Variants in ST3GAL2 observed in about 807,000 individuals in gnomAD.
The protein encoded by ST3GAL2 is CMP-N-acetylneuraminate-beta-galactosamide-alpha-2,3-sialyltransferase 2.
ST3GAL2 carries 16 observed loss-of-function variants against 37.5 expected under a neutral mutation model. The observed-to-expected ratio is 0.43, with a 90% CI of 0.29 to 0.65. The LOEUF is 0.65. Ranked by LOEUF, ST3GAL2 falls within the 30% of genes least tolerant of loss-of-function variation. The pLI, the probability that ST3GAL2 is intolerant of heterozygous loss-of-function variation, is 0.17. For missense variants in ST3GAL2, 383 were observed against 487.8 expected (o/e 0.79, Z 2.02); for synonymous variants, 238 against 202.9 (o/e 1.17, Z -1.47).
At chr16:70,391,840 C>T (rs753202280) in intron 3 of ST3GAL2, among the ~76,000 whole-genome samples, 2 of 152,184 alleles carry the variant, frequency 1.3e-5, no homozygotes, top group Non-Finnish European at 2.9e-5. Flanking sequence ...AGCTCCTGGG[C>T]TCAATCAGTT....
intron 1 of ST3GAL2, among the ~76,000 whole-genome samples, chr16:70,413,787 T>G (rs1360103284): frequency 6.7e-6 from 1 of 149,478 alleles, no homozygotes; most frequent in African/African-American, 2.4e-5. Flanking sequence ...AATAAATAAA[T>G]AAAAGCTTTA....
intron 3 of ST3GAL2, among the ~76,000 whole-genome samples, chr16:70,393,049 C>G (rs185917471): frequency 6.6e-6 from 1 of 151,964 alleles, no homozygotes; most frequent in Admixed American, 6.6e-5. Flanking sequence ...ATACCACCCC[C>G]CTTCCTTACC....
At chr16:70,416,677 C>T (rs1029278081) in intron 1 of ST3GAL2, among the ~76,000 whole-genome samples, 2 of 151,950 alleles carry the variant, frequency 1.3e-5, no homozygotes, top group African/African-American at 2.4e-5. Flanking sequence ...TTATATTCTG[C>T]CCCCACTTTT....
At chr16:70,416,841 G>A (rs187058591) in intron 1 of ST3GAL2, among the ~76,000 whole-genome samples, 1 of 152,214 alleles carries the variant, frequency 6.6e-6, no homozygotes, top group Admixed American at 6.5e-5. Flanking sequence ...GACGACGGCA[G>A]GGACAGTGGG....
intron 1 of ST3GAL2, among the ~76,000 whole-genome samples, chr16:70,406,587 G>C (rs368570641): frequency 3.3e-5 from 5 of 152,076 alleles, no homozygotes; most frequent in East Asian, 3.9e-4. Flanking sequence ...TTTGAGACCA[G>C]CTTGGCCAAC....
chr16:70,421,628 A>ATGGTGC (rs1161482263), intron 1 of ST3GAL2, among the ~76,000 whole-genome samples: 6 of 152,146 alleles, frequency 3.9e-5, no homozygotes, highest in African/African-American at 1.4e-4. Context: ...CGCCCACATG[A>ATGGTGC]TGGTGCTATC....
At chr16:70,405,665 T>C (rs1010799511) in intron 1 of ST3GAL2, among the ~76,000 whole-genome samples, 3 of 152,042 alleles carry the variant, frequency 2.0e-5, no homozygotes, top group African/African-American at 4.8e-5. Flanking sequence ...AGATTACCAG[T>C]TGCCAGGGGC....
At position 70,382,768 on chromosome 16, in the gene ST3GAL2, C is replaced by G. The variant is rs1332602817; in HGVS notation, c.879+37G>C. Reference sequence around the variant, plus strand: ...CGAGAAGGCCTGCACTCCTCTGTTCCATGGGTTCCCACCACCCACACCACG... The same window carrying G: ...CGAGAAGGCCTGCACTCCTCTGTTCGATGGGTTCCCACCACCCACACCACG... On this transcript the variant is annotated intron_variant, in intron 6 of 6. Transcript: ENST00000342907. The G allele has an allele frequency of 1.9e-6, 3 of 1,613,302 alleles. No individual in the cohort carries two copies. The South Asian group carries it at 3.3e-5, about 18-fold the overall frequency.
At chr16:70,412,721 G>T (rs755171220) in intron 1 of ST3GAL2, among the ~76,000 whole-genome samples, 3 of 151,874 alleles carry the variant, frequency 2.0e-5, no homozygotes, top group East Asian at 3.9e-4. Context: ...CTGTTTTTTC[G>T]AATCTGAAAT....
intron 1 of ST3GAL2, among the ~76,000 whole-genome samples, chr16:70,416,076 T>C (rs2047675198): frequency 6.6e-6 from 1 of 151,782 alleles, no homozygotes; most frequent in Admixed American, 6.6e-5. Context: ...GAGCCCAGCT[T>C]CCAAGATTCT....
At position 70,381,633 on chromosome 16, in the gene ST3GAL2, G is replaced by C. The variant is rs868699057; in HGVS notation, c.*56C>G. The C allele has an allele frequency of 1.6e-5, 26 of 1,586,120 alleles. No individual in the cohort carries two copies. Among genetic ancestry groups the C allele is most frequent in the East Asian group, 2.3e-5 (1 of 44,374 alleles). On this transcript the variant is annotated 3_prime_UTR_variant, in exon 7 of 7. Coordinates refer to ENST00000342907, the MANE Select transcript of ST3GAL2 (RefSeq NM_006927.4). ...TCGCGGGTTGCTGGTCCTGGGTCCC[G>C]GGCCGGAGCCCCGGTGCCCGATAGA...
At chr16:70,390,215 C>T (rs1325298109) in intron 3 of ST3GAL2, among the ~76,000 whole-genome samples, 1 of 152,188 alleles carries the variant, frequency 6.6e-6, no homozygotes, top group Non-Finnish European at 1.5e-5. Flanking sequence ...GCTGGGACCA[C>T]AGGTCTGCAT....
At chr16:70,383,930 G>C (rs571529641) in intron 4 of ST3GAL2, among the ~76,000 whole-genome samples, 1 of 151,706 alleles carries the variant, frequency 6.6e-6, no homozygotes, top group African/African-American at 2.4e-5. Context: ...TGCTCCATTA[G>C]AGGTGGCAAT....
rs1199191799 is a variant in ST3GAL2 at position 70,378,444 on chromosome 16, C to T, written c.*3245G>A. On this transcript the variant is annotated 3_prime_UTR_variant, in exon 7 of 7. Transcript: ENST00000342907. ...AAAAAGCCAGGCGCGGTGGCTCACGCCTGTAATCCCAGCACTTTGGGAGGC... is the reference window on the plus strand; with the variant it reads ...AAAAAGCCAGGCGCGGTGGCTCACGTCTGTAATCCCAGCACTTTGGGAGGC... The T allele has an allele frequency of 6.7e-6, 1 of 149,058 alleles. No individual in the cohort carries two copies. Among genetic ancestry groups the T allele is most frequent in the Non-Finnish European group, 1.5e-5 (1 of 67,690 alleles). The allele number at this position is 149,058 out of a possible 1,614,324, so 9.2% of individuals were successfully genotyped here. A position where few individuals can be genotyped will look rare whatever the true frequency, so the allele number is the denominator to read the frequency against.
intron 1 of ST3GAL2, among the ~76,000 whole-genome samples, chr16:70,427,391 T>C (rs868724418): frequency 6.8e-6 from 1 of 148,056 alleles, no homozygotes; most frequent in African/African-American, 2.5e-5. Context: ...CAGGCTGGAG[T>C]GCAGTGGTGC....
At chr16:70,394,926 AGTCCCCT>A (rs923349595) in intron 3 of ST3GAL2, 49 bp downstream of exon 3, 1 of 1,575,188 alleles carries the variant, frequency 6.3e-7, no homozygotes, top group African/African-American at 1.4e-5. Context: ...AGAGGAGGGC[AGTCCCCT>A]TCCCGGAGGC....
chr16:70,383,155 T>A, intron 5 of ST3GAL2, 35 bp downstream of exon 5: 1 of 1,611,714 alleles, frequency 6.2e-7, no homozygotes, highest in South Asian at 1.1e-5. Flanking sequence ...GCCAGCACTG[T>A]TTCCACTGAG....
chr16:70,389,236 A>AAAAAAAAAAAAAAAG (rs1446620122), intron 3 of ST3GAL2, among the ~76,000 whole-genome samples: 1 of 139,202 alleles, frequency 7.2e-6, no homozygotes, highest in Non-Finnish European at 1.5e-5. Context: ...AAAAAAAAAA[A>AAAAAAAAAAAAAAAG]AAAAAAAAGG....
chr16:70,408,365 G>A (rs916920799), intron 1 of ST3GAL2, among the ~76,000 whole-genome samples: 1 of 151,992 alleles, frequency 6.6e-6, no homozygotes, highest in Non-Finnish European at 1.5e-5. Flanking sequence ...CCTCCTGGGT[G>A]GGGGGCAGCA....
Sources: gnomAD v4.1 joint callset for allele counts (sites outside exome capture counted in the v4.1 genomes callset) on GRCh38, gnomAD v4.1.1 for gene constraint, MANE v1.5 for transcripts, NCBI Gene and HGNC (gene_info 2026-07-23, HGNC 2026-07-21) for gene names.